The following CEP152 variants were observed in gnomAD, a reference collection of about 807,000 sequenced individuals.
CEP152 encodes centrosomal protein 152.
Under a neutral mutation model 188.9 loss-of-function variants are expected in CEP152, and 132 were observed. The ratio of observed to expected loss-of-function variants is 0.70; its 90% CI spans 0.61 to 0.81. The LOEUF (loss-of-function observed/expected upper bound fraction) is 0.81. CEP152 is among the 30% of genes least tolerant of loss of function. The pLI, the probability that CEP152 is intolerant of heterozygous loss-of-function variation, is 0.00. For missense variants in CEP152, 1,914 were observed against 1,969.8 expected, an observed-to-expected ratio of 0.97 and a Z score of 0.54; for synonymous variants, 649 against 666.6, an observed-to-expected ratio of 0.97 and a Z score of 0.41.
intron 20 of CEP152, among the ~76,000 whole-genome samples, chr15:48,754,396 CTG>C (rs975925463): frequency 1.3e-5 from 2 of 152,046 alleles, no homozygotes; most frequent in Non-Finnish European, 2.9e-5. Context: ...GATTTTATAA[CTG>C]TTATAAAAAT....
intron 17 of CEP152, among the ~76,000 whole-genome samples, chr15:48,763,993 A>G (rs2140727428): frequency 6.6e-6 from 1 of 152,338 alleles, no homozygotes; most frequent in African/African-American, 2.4e-5. Context: ...AAAACTTGTT[A>G]TATCCTGAGT....
chr15:48,783,735 C>T (rs1174851595), intron 10 of CEP152, among the ~76,000 whole-genome samples: 1 of 147,750 alleles, frequency 6.8e-6, no homozygotes, highest in Non-Finnish European at 1.5e-5. Flanking sequence ...TTAATAAAAA[C>T]AAACTAAACC....
In CEP152 at chr15:48,788,892, C is replaced by G. The variant is rs770125971; in HGVS notation, c.1082G>C (p.Ser361Thr). 6.2e-7 allele frequency: 1 copy of G among 1,614,104 alleles called. No homozygotes were observed. Residue 361 changes from serine (S) to threonine (T), a missense_variant, in exon 9 of 27, where the codon AGC (serine) becomes ACC (threonine). Ser to Thr is a moderately conservative substitution (Grantham distance 58, BLOSUM62 1). Coordinates refer to ENST00000380950, the MANE Select transcript of CEP152 (RefSeq NM_001194998.2). ...CTTCTTTGTGAGGCCCATAACAATG[C>G]TCTCATGCTGTTCTCTAGCTCGTTG... Reference protein sequence around the residue: ...SLQRAREQHESIVMGLTKKYE... With the variant: ...SLQRAREQHETIVMGLTKKYE...
Position 48,756,231 on chromosome 15 carries a change from GT to G in CEP152, c.3016del (p.Thr1006LeufsTer15), listed in dbSNP as rs587783423. 1.3e-5 allele frequency: 21 copies of G among 1,610,300 alleles called. No homozygotes were observed. Among genetic ancestry groups the G allele is most frequent in the Non-Finnish European group, 1.8e-5 (21 of 1,177,880 alleles). On this transcript the variant is annotated frameshift_variant, in exon 20 of 27. Coordinates refer to ENST00000380950, the MANE Select transcript of CEP152 (RefSeq NM_001194998.2). LOFTEE classifies it high-confidence loss of function. ...TGTCTCCTTCTGAAGAAGTAGTTCA[GT>G]TTTTTGTTTCATAAAGTCTTCTTTA... is the stretch of plus-strand genomic sequence containing the variant. ...AAKEDFMKQKTELLLQKETEL... is the reference protein window; with the variant it reads ...AAKEDFMKQKXELLLQKETEL...
At chr15:48,742,212 T>A (rs1036763988) in intron 24 of CEP152, 112 bp from the exon 25 acceptor site, 2 of 953,426 alleles carry the variant, frequency 2.1e-6, no homozygotes, top group East Asian at 2.4e-5. Context: ...ATTTTAAGTA[T>A]AGTTTAAACA....
intron 20 of CEP152, among the ~76,000 whole-genome samples, chr15:48,754,401 A>C (rs769374774): frequency 6.6e-6 from 1 of 152,178 alleles, no homozygotes; most frequent in Non-Finnish European, 1.5e-5. Flanking sequence ...TATAACTGTT[A>C]TAAAAATCGA....
In CEP152 at chr15:48,756,147, C is replaced by T. The variant is rs866582451; in HGVS notation, c.3101G>A (p.Arg1034Gln). The change falls in exon 20 of 27, where the codon CGG (arginine) becomes CAG (glutamine). Residue 1034 changes from arginine (R) to glutamine (Q), a missense_variant. Transcript: ENST00000380950. Reference protein sequence around the residue: ...RREWTMQEAKRIQLEIYQYEE... With the variant: ...RREWTMQEAKQIQLEIYQYEE... ...ATACTGATAGATTTCCAGTTGGATC[C>T]GCTTGGCTTCCTGCATAGTCCATTC... The T allele has an allele frequency of 3.7e-6, 6 of 1,613,934 alleles. No individual in the cohort carries two copies. In the African/African-American group the frequency reaches 5.3e-5, roughly 14 times the overall value.
Position 48,757,264 on chromosome 15 carries a change from G to A in CEP152, c.2695-711C>T, listed in dbSNP as rs568099889. 5.9e-5 allele frequency among the ~76,000 whole-genome samples: 9 copies of A among 152,286 alleles called. No homozygotes were observed. The East Asian group carries it at 1.7e-3, about 29-fold the overall frequency. On this transcript the variant is annotated intron_variant, in intron 19 of 26. Coordinates refer to ENST00000380950, the MANE Select transcript of CEP152 (RefSeq NM_001194998.2). Reference sequence around the variant, plus strand: ...TGCTGGAATTAACTTACCAGCTGAAGAACTAAAGGCCCATTCCTCAACTTC... The same window carrying A: ...TGCTGGAATTAACTTACCAGCTGAAAAACTAAAGGCCCATTCCTCAACTTC...
Position 48,738,506 on chromosome 15 carries a change from T to A in CEP152, c.4876A>T (p.Ile1626Phe), listed in dbSNP as rs1472077866. The change falls in exon 27 of 27, where the codon ATT becomes TTT. Residue 1626 changes from isoleucine (I) to phenylalanine (F), a missense_variant. Transcript: ENST00000380950. The stretch of plus-strand genomic sequence containing the variant: ...CGCTGACATTTCATTGTTTGACAAA[T>A]CATATTACTTTCCTCTGTATCTGAA... ...YLSDTEESNM[I>F]CQTMKCQRYQ... 6.2e-7 allele frequency: 1 copy of A among 1,614,098 alleles called. No homozygotes were observed. The highest frequency in any genetic ancestry group is 8.5e-7 in the Non-Finnish European group (1 of 1,180,032).
intron 17 of CEP152, among the ~76,000 whole-genome samples, chr15:48,765,019 C>G (rs1894958162): frequency 6.6e-6 from 1 of 151,398 alleles, no homozygotes; most frequent in Non-Finnish European, 1.5e-5. Context: ...TGTATTTTTG[C>G]CTACCTCTGA....
In CEP152 at chr15:48,744,897, TTGG is replaced by T. The variant is rs769855159; in HGVS notation, c.3727_3729del (p.Pro1243del). 1 of 1,608,560 alleles carries T rather than the reference TTGG, an allele frequency of 6.2e-7. No homozygotes were observed. Among genetic ancestry groups the T allele is most frequent in the African/African-American group, 1.3e-5 (1 of 74,868 alleles). On this transcript the variant is annotated inframe_deletion and splice_region_variant, in exon 23 of 27. Transcript: ENST00000380950. ...CACTTTAAAATAGTAAAAGTATACC[TTGG>T]TGGTGTTTTACAAAGTGTTTGCAAT...
intron 2 of CEP152, among the ~76,000 whole-genome samples, chr15:48,803,116 A>G (rs1373672535): frequency 6.6e-6 from 1 of 152,232 alleles, no homozygotes; most frequent in African/African-American, 2.4e-5. Flanking sequence ...CTCCCACATC[A>G]GCAACTTGAA....
rs587783419 is a variant in CEP152 at position 48,767,414 on chromosome 15, G to A, written c.2068C>T (p.Arg690Cys). 4.5e-5 allele frequency: 72 copies of A among 1,613,956 alleles called. No individual in the cohort carries two copies. The highest frequency in any genetic ancestry group is 2.3e-4 in the Admixed American group (14 of 60,008). The part of the protein sequence containing the change: ...QHHEAMKTQI[R>C]ESLLAKHALE... Reference sequence around the variant, plus strand: ...GCATGCTTTGCTAATAGGCTTTCACGTATTTGAGTTTTCATGGCTTCATGG... The same window carrying A: ...GCATGCTTTGCTAATAGGCTTTCACATATTTGAGTTTTCATGGCTTCATGG... Residue 690 changes from arginine (R) to cysteine (C), a missense_variant, in exon 16 of 27, where the codon CGT becomes TGT. Arg to Cys is a radical substitution (Grantham distance 180). Transcript: ENST00000380950.
At position 48,738,676 on chromosome 15, in the gene CEP152, C is replaced by G; in HGVS notation, c.4706G>C (p.Ser1569Thr). 6.2e-7 allele frequency: 1 copy of G among 1,614,202 alleles called. No individual in the cohort carries two copies. The highest frequency in any genetic ancestry group is 8.5e-7 in the Non-Finnish European group (1 of 1,180,026). ...GCTGGAAGGCCAGCCCAAGCAGTCA[C>G]TAAGGTCCCCTCCATCTTTTACTGG... ...EPPVKDGGDLSDCLGWPSSSA... is the reference protein window; with the variant it reads ...EPPVKDGGDLTDCLGWPSSSA... Residue 1569 changes from serine (S) to threonine (T), a missense_variant, in exon 27 of 27, where the codon AGT (serine) becomes ACT (threonine). By Grantham distance (58) the Ser-to-Thr change is moderately conservative. Coordinates refer to ENST00000380950, the MANE Select transcript of CEP152 (RefSeq NM_001194998.2).
chr15:48,729,089 C>G (rs1892340502), intron 2 of CEP152: 1 of 152,106 alleles, frequency 6.6e-6, no homozygotes, highest in African/African-American at 2.4e-5. Flanking sequence ...GTTGTTGACA[C>G]CTCATAAATA....
At chr15:48,807,001 G>C (rs1898023111) in intron 1 of CEP152, among the ~76,000 whole-genome samples, 1 of 152,120 alleles carries the variant, frequency 6.6e-6, no homozygotes, top group African/African-American at 2.4e-5. Context: ...GTTTTTCAAA[G>C]ACTGAGTTAT....
chr15:48,794,584 T>G (rs922444247), intron 6 of CEP152, among the ~76,000 whole-genome samples: 12 of 152,210 alleles, frequency 7.9e-5, no homozygotes, highest in South Asian at 4.1e-4. Context: ...GTTATTTAAT[T>G]AACTTCCAAA....
At chr15:48,740,656 G>C (rs1430373147) in intron 26 of CEP152, 3 of 105,202 alleles carry the variant, frequency 2.9e-5, no homozygotes, top group African/African-American at 7.9e-5. Flanking sequence ...GACAGGGTCT[G>C]CTCTGTTTCC....
chr15:48,744,479 A>C, intron 23 of CEP152, 136 bp from the exon 24 acceptor site: 1 of 1,430,204 alleles, frequency 7.0e-7, no homozygotes, highest in Non-Finnish European at 9.4e-7. Context: ...AATCTCCACT[A>C]TACAGTTATT....
Sources: gnomAD v4.1 joint callset for allele counts (sites outside exome capture counted in the v4.1 genomes callset) on GRCh38, gnomAD v4.1.1 for gene constraint, MANE v1.5 for transcripts, NCBI Gene and HGNC (gene_info 2026-07-23, HGNC 2026-07-21) for gene names.